Variants in POTEF observed in about 807,000 individuals in gnomAD.
The protein encoded by POTEF is ANKRD26-like family C member 1B.
POTEF carries 20 observed loss-of-function variants against 83.2 expected under a neutral mutation model. That is an observed-to-expected ratio of 0.24 (90% CI 0.17 to 0.35). The LOEUF (loss-of-function observed/expected upper bound fraction) is 0.35. Ranked by LOEUF, POTEF falls within the 10% of genes least tolerant of loss-of-function variation. POTEF has a pLI of 1.00. For synonymous variants in POTEF, 196 were observed against 446.4 expected (o/e 0.44, Z 7.07); for missense variants, 550 against 1,203.2 (o/e 0.46, Z 8.03).
chr2:130,111,417 A>C (rs1684707774), intron 6 of POTEF, among the ~76,000 whole-genome samples: 1 of 152,008 alleles, frequency 6.6e-6, no homozygotes, highest in Non-Finnish European at 1.5e-5. Context: ...TCTCCATACC[A>C]ATTAAAAATA....
At chr2:130,075,942 T>C (rs1436370636) in intron 16 of POTEF, among the ~76,000 whole-genome samples, 1 of 149,018 alleles carries the variant, frequency 6.7e-6, no homozygotes, top group African/African-American at 2.5e-5. Flanking sequence ...GATTAATAAT[T>C]TGACTACATT....
chr2:130,103,702 G>T (rs1262301681), intron 8 of POTEF, among the ~76,000 whole-genome samples: 3 of 150,414 alleles, frequency 2.0e-5, no homozygotes, highest in Non-Finnish European at 4.4e-5. Flanking sequence ...GCATGTCAGG[G>T]ATGGCTTTTC....
intron 8 of POTEF, among the ~76,000 whole-genome samples, chr2:130,104,693 G>A (rs1383645122): frequency 2.6e-5 from 4 of 151,508 alleles, no homozygotes; most frequent in Non-Finnish European, 4.4e-5. Context: ...ACTCACACAG[G>A]TCATGGAGAG....
At chr2:130,128,129 G>A (rs964096491) in intron 1 of POTEF, among the ~76,000 whole-genome samples, 10 of 147,930 alleles carry the variant, frequency 6.8e-5, no homozygotes, top group Non-Finnish European at 1.5e-4. Flanking sequence ...CTCAGACCCA[G>A]CCAGCCCTCC....
At chr2:130,114,808 C>T (rs1684800129) in intron 5 of POTEF, 73 bp downstream of exon 5, 2 of 1,409,168 alleles carry the variant, frequency 1.4e-6, no homozygotes, top group African/African-American at 2.9e-5. Context: ...ATATGGAAGA[C>T]TGGCCCTTAC....
chr2:130,114,031 C>G (rs1684778976), intron 5 of POTEF, among the ~76,000 whole-genome samples: 1 of 152,020 alleles, frequency 6.6e-6, no homozygotes, highest in South Asian at 2.1e-4. Flanking sequence ...GATTTGAAAG[C>G]AGAGCTGAGA....
At position 130,120,197 on chromosome 2, in the gene POTEF, G is replaced by T; in HGVS notation, c.319C>A (p.Pro107Thr). The T allele has an allele frequency of 1.3e-6, 2 of 1,598,064 alleles. No homozygotes were observed. The highest frequency in any genetic ancestry group is 2.2e-5 in the South Asian group (2 of 89,968). The change falls in exon 3 of 17, where the codon CCC (proline) becomes ACC (threonine). Residue 107 changes from proline (P) to threonine (T), a missense_variant. Pro to Thr is a conservative substitution (Grantham distance 38). Coordinates refer to ENST00000409914, the MANE Select transcript of POTEF (RefSeq NM_001099771.2). ...KMGKWCCHCF[P>T]CCRGSSKSKV... is the part of the protein sequence containing the mutation. ...CTCTTGCTGCTCCCCCTGCAGCAGGGGAAGCAGTGGCAGCACCACTTGCCC... is the reference window on the plus strand; with the variant it reads ...CTCTTGCTGCTCCCCCTGCAGCAGGTGAAGCAGTGGCAGCACCACTTGCCC...
chr2:130,128,874 C>A (rs890341193), intron 1 of POTEF, among the ~76,000 whole-genome samples, 198 bp downstream of exon 1: 2 of 126,506 alleles, frequency 1.6e-5, no homozygotes, highest in East Asian at 2.5e-4. Context: ...TGCCTCCCCC[C>A]CATCACCCCC....
chr2:130,114,295 CA>C (rs1553472545), intron 5 of POTEF, among the ~76,000 whole-genome samples: 1 of 151,806 alleles, frequency 6.6e-6, no homozygotes, highest in African/African-American at 2.4e-5. Context: ...ACAACAACAA[CA>C]ACACACACAC....
In POTEF at chr2:130,102,910, T is replaced by G. The variant is rs3863884; in HGVS notation, c.1127-730A>C. Among the ~76,000 whole-genome samples the G allele has an allele frequency of 4.6e-5, 7 of 151,604 alleles. No homozygotes were observed. The South Asian group carries it at 6.2e-4, about 13-fold the overall frequency. On this transcript the variant is annotated intron_variant, in intron 8 of 16. Transcript: ENST00000409914. ...TTTCGGATGCAAATCTGCTGAGCTG[T>G]TGCGAACCTAAATGAAATCCTCCTG...
At chr2:130,088,595 CTT>C (rs1312968637) in intron 12 of POTEF, among the ~76,000 whole-genome samples, 5 of 51,154 alleles carry the variant, frequency 9.8e-5, no homozygotes, top group Admixed American at 4.0e-4. Flanking sequence ...TTTCTTTTTT[CTT>C]TTTTTTTTTT....
At position 130,075,049 on chromosome 2, in the gene POTEF, G is replaced by T; in HGVS notation, c.2423C>A (p.Ala808Asp). The change falls in exon 17 of 17, where the codon GCC becomes GAC. Residue 808 changes from alanine to aspartate, a missense_variant. Ala to Asp is a moderately radical substitution (Grantham distance 126, BLOSUM62 -2). Coordinates refer to ENST00000409914, the MANE Select transcript of POTEF (RefSeq NM_001099771.2). ...PEEHPVLLTE[A>D]TLNPKANREK... Reference sequence around the variant, plus strand: ...GCGGTTGGCCTTAGGGTTCAGGGTGGCCTCGGTCAGCAGGACGGGGTGCTC... The same window carrying T: ...GCGGTTGGCCTTAGGGTTCAGGGTGTCCTCGGTCAGCAGGACGGGGTGCTC... 1 of 1,613,804 alleles carries T rather than the reference G, an allele frequency of 6.2e-7. No homozygotes were observed. Among genetic ancestry groups the T allele is most frequent in the Non-Finnish European group, 8.5e-7 (1 of 1,179,944 alleles).
intron 2 of POTEF, among the ~76,000 whole-genome samples, chr2:130,126,817 GAAAAC>G (rs1558898818): frequency 6.6e-6 from 1 of 151,332 alleles, no homozygotes. Context: ...TTGGCATAAA[GAAAAC>G]AAAAAGAGGA....
chr2:130,075,420 T>C lies in POTEF; in HGVS notation c.2052A>G (p.Lys684=). ...CCTTTAAAAGATTATCATTCCTTTT[T>C]TTCACACTTTCAATATCCTCCAAAT... ...KKYLEDIESV[K]KRNDNLLKAL... The change falls in exon 17 of 17, where the codon AAA becomes AAG. Residue 684 remains lysine, a synonymous_variant. Coordinates refer to ENST00000409914, the MANE Select transcript of POTEF (RefSeq NM_001099771.2). 1.2e-6 allele frequency: 2 copies of C among 1,611,580 alleles called. No individual in the cohort carries two copies. The highest frequency in any genetic ancestry group is 1.7e-6 in the Non-Finnish European group (2 of 1,179,678).
chr2:130,112,891 G>C (rs1264475140), intron 5 of POTEF, among the ~76,000 whole-genome samples: 2 of 151,892 alleles, frequency 1.3e-5, no homozygotes, highest in South Asian at 2.1e-4. Flanking sequence ...ACTGACCTAA[G>C]TACTTGAATG....
chr2:130,098,035 CCA>C (rs1442552655), intron 11 of POTEF, among the ~76,000 whole-genome samples: 2 of 79,424 alleles, frequency 2.5e-5, no homozygotes, highest in Non-Finnish European at 4.8e-5. Context: ...ACTTTACAGT[CCA>C]CAGTGTCAAT....
chr2:130,103,662 G>C lies in POTEF; in HGVS notation c.1127-1482C>G, dbSNP rs930153961. Among the ~76,000 whole-genome samples, 91 of 150,778 alleles carry C rather than the reference G, an allele frequency of 6.0e-4. 1 individual carries two copies. Among genetic ancestry groups the C allele is most frequent in the Admixed American group, 1.8e-3 (28 of 15,152 alleles). ...TTGAGTCCTGCTAAATACATGTTAG[G>C]CATTAGGGTTTAAAAAGAATTAAAA... On this transcript the variant is annotated intron_variant, in intron 8 of 16. Transcript: ENST00000409914.
At chr2:130,127,930 A>C (rs1685139348) in intron 1 of POTEF, 66 bp from the exon 2 acceptor site, 1 of 132,820 alleles carries the variant, frequency 7.5e-6, no homozygotes, top group Admixed American at 8.0e-5. Context: ...ACTGGGTGGC[A>C]GGGACCAGCT....
chr2:130,129,177 C>CGTTGGTG lies in POTEF; in HGVS notation c.-356_-355insCACCAAC, dbSNP rs1291026293. 1 of 93,686 alleles carries CGTTGGTG rather than the reference C, an allele frequency of 1.1e-5. No individual in the cohort carries two copies. The highest frequency in any genetic ancestry group is 2.3e-5 in the Non-Finnish European group (1 of 44,172). The allele number at this position is 93,686 out of a possible 1,614,324, so 5.8% of individuals were successfully genotyped here. Reference sequence around the variant, plus strand: ...GGCTCAGGCTCCAGCCTCCAGCATGCCGCTCCCTTCTACTCGTCTTCCTGC... The same window carrying CGTTGGTG: ...GGCTCAGGCTCCAGCCTCCAGCATGCGTTGGTGCGCTCCCTTCTACTCGTCTTCCTGC... On this transcript the variant is annotated 5_prime_UTR_variant, in exon 1 of 17. Coordinates refer to ENST00000409914, the MANE Select transcript of POTEF (RefSeq NM_001099771.2).
Sources: gnomAD v4.1 joint callset for allele counts (sites outside exome capture counted in the v4.1 genomes callset) on GRCh38, gnomAD v4.1.1 for gene constraint, MANE v1.5 for transcripts, NCBI Gene and HGNC (gene_info 2026-07-23, HGNC 2026-07-21) for gene names.